The following CLNK variants were observed in gnomAD, a reference collection of about 807,000 sequenced individuals.
The protein encoded by CLNK is cytokine-dependent hematopoietic cell linker.
Under a neutral mutation model 68.6 loss-of-function variants are expected in CLNK, and 74 were observed. The observed-to-expected ratio is 1.08, with a 90% CI of 0.89 to 1.31. The LOEUF is 1.31. Among genes scored for constraint, CLNK ranks in the 50% most tolerant of loss-of-function variants. CLNK has a pLI of 0.00. For synonymous variants in CLNK, 198 were observed against 172.2 expected, an observed-to-expected ratio of 1.15 and a Z score of -1.17; for missense variants, 553 against 515.3, an observed-to-expected ratio of 1.07 and a Z score of -0.71.
At chr4:10,581,017 A>G (rs1311412103) in intron 4 of CLNK, among the ~76,000 whole-genome samples, 1 of 152,026 alleles carries the variant, frequency 6.6e-6, no homozygotes, top group Non-Finnish European at 1.5e-5. Context: ...ACACAGGTGT[A>G]CCCCTTTTAT....
chr4:10,516,324 G>A (rs1171452192), intron 15 of CLNK, among the ~76,000 whole-genome samples: 5 of 152,160 alleles, frequency 3.3e-5, no homozygotes, highest in Non-Finnish European at 7.4e-5. Flanking sequence ...CAAAGTTACA[G>A]TTATGGTTAG....
At chr4:10,645,107 A>G (rs56255864) in intron 2 of CLNK, among the ~76,000 whole-genome samples, 2,731 of 152,322 alleles carry the variant, frequency 0.018, 40 homozygotes, top group Non-Finnish European at 0.027. Flanking sequence ...TAGTGAAAAT[A>G]AATACTTATT....
At chr4:10,538,153 T>C (rs1224581273) in intron 11 of CLNK, among the ~76,000 whole-genome samples, 4 of 152,194 alleles carry the variant, frequency 2.6e-5, no homozygotes, top group African/African-American at 4.8e-5. Context: ...TCTCTCTCTG[T>C]TGCCCTCTGT....
chr4:10,525,026 C>T (rs368922146), intron 14 of CLNK, among the ~76,000 whole-genome samples: 5 of 152,186 alleles, frequency 3.3e-5, no homozygotes, highest in African/African-American at 1.2e-4. Context: ...AGGGCAGTCA[C>T]TACTAATTTA....
chr4:10,495,826 G>C (rs1455578942), intron 18 of CLNK, among the ~76,000 whole-genome samples: 5 of 73,288 alleles, frequency 6.8e-5, no homozygotes, highest in Admixed American at 3.2e-4. Context: ...CGTGACCATA[G>C]AGAGAGAGAG....
At chr4:10,656,904 G>A (rs1355158069) in intron 2 of CLNK, among the ~76,000 whole-genome samples, 1 of 152,090 alleles carries the variant, frequency 6.6e-6, no homozygotes, top group East Asian at 1.9e-4. Flanking sequence ...ATCCACAATA[G>A]CATGGATTAT....
intron 16 of CLNK, among the ~76,000 whole-genome samples, chr4:10,509,726 G>A (rs4698062): frequency 0.99 from 151,261 of 152,202 alleles, 75,178 homozygotes; most frequent in East Asian, 1. Context: ...GGGTTTCACC[G>A]TGTTGCTCAG....
rs192925952 is a variant in CLNK at position 10,507,545 on chromosome 4, C to G, written c.984+414G>C. ...GTGGCACAGTCTTGGCTCACTGCAA[C>G]CTCCGCCTCCCAGGTTCAAGTGATT... On this transcript the variant is annotated intron_variant, in intron 17 of 18. Coordinates refer to ENST00000226951, the MANE Select transcript of CLNK (RefSeq NM_052964.4). Among the ~76,000 whole-genome samples the G allele has an allele frequency of 5.9e-5, 9 of 152,088 alleles. No individual in the cohort carries two copies. The East Asian group carries it at 1.5e-3, about 26-fold the overall frequency.
the CLNK span, among the ~76,000 whole-genome samples, chr4:10,717,425 G>A: frequency 1.3e-5 from 2 of 152,120 alleles, no homozygotes; most frequent in Admixed American, 6.5e-5. Context: ...GAGAAACCCC[G>A]TCTCTATTAA....
intron 2 of CLNK, among the ~76,000 whole-genome samples, chr4:10,666,732 G>C (rs1017582979): frequency 2.6e-5 from 4 of 152,222 alleles, no homozygotes; most frequent in African/African-American, 9.6e-5. Flanking sequence ...TCTCACTCGG[G>C]TGAGGAGCCC....
upstream of CLNK, among the ~76,000 whole-genome samples, chr4:10,688,281 T>G (rs1387550261): frequency 6.6e-6 from 1 of 152,188 alleles, no homozygotes; most frequent in Non-Finnish European, 1.5e-5. Context: ...GGGACATTTC[T>G]GAGTCAGTGC....
chr4:10,719,047 TAC>T, the CLNK span, among the ~76,000 whole-genome samples: 1 of 151,936 alleles, frequency 6.6e-6, no homozygotes, highest in Non-Finnish European at 1.5e-5. Context: ...TTCAAAAAGA[TAC>T]AGTCAAAAAC....
chr4:10,668,675 G>A (rs1364928861), intron 1 of CLNK, among the ~76,000 whole-genome samples: 1 of 152,204 alleles, frequency 6.6e-6, no homozygotes, highest in African/African-American at 2.4e-5. Flanking sequence ...ACATGCCTGG[G>A]CTTGGAGGGA....
At chr4:10,514,867 C>T (rs1394647556) in intron 15 of CLNK, among the ~76,000 whole-genome samples, 2 of 152,104 alleles carry the variant, frequency 1.3e-5, no homozygotes, top group African/African-American at 4.8e-5. Flanking sequence ...TGACAAAGGG[C>T]TAATATCCAG....
chr4:10,660,001 C>T (rs756854438), intron 2 of CLNK, among the ~76,000 whole-genome samples: 1 of 152,154 alleles, frequency 6.6e-6, no homozygotes, highest in Non-Finnish European at 1.5e-5. Context: ...TGCAAATGAC[C>T]AGTGTTTTGG....
At chr4:10,564,104 C>A (rs373785566) in intron 7 of CLNK, among the ~76,000 whole-genome samples, 3 of 135,852 alleles carry the variant, frequency 2.2e-5, no homozygotes, top group Admixed American at 1.5e-4. Flanking sequence ...TAGATTTTTT[C>A]TTTTTTTTTT....
At chr4:10,571,663 C>A in intron 5 of CLNK, 78 bp downstream of exon 5, 4 of 1,160,496 alleles carry the variant, frequency 3.4e-6, no homozygotes, top group Non-Finnish European at 5.1e-6. Context: ...AAACATTTTA[C>A]CCAGTATCTT....
At chr4:10,492,528 C>G (rs1168862199) in intron 18 of CLNK, among the ~76,000 whole-genome samples, 1 of 152,184 alleles carries the variant, frequency 6.6e-6, no homozygotes, top group African/African-American at 2.4e-5. Flanking sequence ...TCATTTAGAG[C>G]TATGTGCTGT....
chr4:10,544,266 TTG>T (rs1415483377), intron 8 of CLNK, among the ~76,000 whole-genome samples: 1 of 152,162 alleles, frequency 6.6e-6, no homozygotes, highest in Non-Finnish European at 1.5e-5. Context: ...TCTTCAGGGG[TTG>T]TGAGTTTAGA....
Sources: allele counts gnomAD v4.1 joint callset (sites outside exome capture counted in the v4.1 genomes callset), GRCh38; gene constraint gnomAD v4.1.1; transcripts MANE v1.5; gene names NCBI Gene and HGNC (gene_info 2026-07-23, HGNC 2026-07-21).